LAMC3: variants seen among roughly 807,000 people sequenced by gnomAD.
LAMC3 encodes the protein laminin subunit gamma-3.
LAMC3 carries 128 observed loss-of-function variants against 173.8 expected under a neutral mutation model. The ratio of observed to expected loss-of-function variants is 0.74; its 90% CI spans 0.64 to 0.85. LAMC3 has a LOEUF of 0.85. Ranked by LOEUF, LAMC3 falls within the 40% of genes least tolerant of loss-of-function variation. The pLI, the probability that LAMC3 is intolerant of heterozygous loss-of-function variation, is 0.00. For missense variants in LAMC3, 2,022 were observed against 2,156.0 expected, an observed-to-expected ratio of 0.94 and a Z score of 1.23; for synonymous variants, 897 against 909.1, an observed-to-expected ratio of 0.99 and a Z score of 0.24.
At chr9:131,011,843 A>T (rs1039088624) in intron 1 of LAMC3, among the ~76,000 whole-genome samples, 5 of 152,116 alleles carry the variant, frequency 3.3e-5, no homozygotes, top group Admixed American at 2.6e-4. Flanking sequence ...GCCCAGGCAC[A>T]AACAAGGTGG....
At chr9:131,031,222 T>C (rs962127688) in intron 2 of LAMC3, among the ~76,000 whole-genome samples, 2 of 152,220 alleles carry the variant, frequency 1.3e-5, no homozygotes, top group African/African-American at 4.8e-5. Flanking sequence ...CTGGGCGGAA[T>C]CAAAACGCTG....
At chr9:131,041,041 T>G (rs1417271750) in intron 6 of LAMC3, among the ~76,000 whole-genome samples, 2 of 151,480 alleles carry the variant, frequency 1.3e-5, no homozygotes, top group Non-Finnish European at 2.9e-5. Flanking sequence ...GAAGGATGAA[T>G]AAGTGGATGG....
At chr9:131,011,511 C>T (rs1334081919) in intron 1 of LAMC3, among the ~76,000 whole-genome samples, 1 of 152,124 alleles carries the variant, frequency 6.6e-6, no homozygotes, top group Admixed American at 6.5e-5. Flanking sequence ...GAGTGGGGTG[C>T]GGGGAGGACC....
chr9:131,016,924 A>G (rs1289348330), intron 1 of LAMC3, among the ~76,000 whole-genome samples: 1 of 149,786 alleles, frequency 6.7e-6, no homozygotes, highest in Non-Finnish European at 1.5e-5. Flanking sequence ...TGGAGAAAAC[A>G]CATTTCTACG....
At chr9:131,032,251 T>C in intron 3 of LAMC3, 76 bp downstream of exon 3, 1 of 121,462 alleles carries the variant, frequency 8.2e-6, no homozygotes, top group Non-Finnish European at 1.7e-5. Context: ...TGCTGTGGGG[T>C]GGGGGGTGGG....
intron 8 of LAMC3, among the ~76,000 whole-genome samples, chr9:131,047,820 G>A (rs112561233): frequency 2.1e-4 from 32 of 151,240 alleles, no homozygotes; most frequent in African/African-American, 6.5e-4. Flanking sequence ...CCGAGATCGC[G>A]CCACTGCACT....
At chr9:131,070,675 C>G (rs1010374484) in intron 17 of LAMC3, among the ~76,000 whole-genome samples, 1 of 152,078 alleles carries the variant, frequency 6.6e-6, no homozygotes, top group Non-Finnish European at 1.5e-5. Flanking sequence ...CATGACTGCA[C>G]TGCACTCCAG....
intron 1 of LAMC3, among the ~76,000 whole-genome samples, chr9:131,016,647 G>A (rs1833524209): frequency 6.6e-6 from 1 of 152,184 alleles, no homozygotes; most frequent in South Asian, 2.1e-4. Flanking sequence ...CATGGTGATT[G>A]GAGCCATTCA....
chr9:131,045,539 C>T lies in LAMC3; in HGVS notation c.1398C>T (p.Thr466=), dbSNP rs374312270. The change falls in exon 8 of 28, where the codon ACC becomes ACT. Residue 466 remains threonine (T), a synonymous_variant. Transcript: ENST00000361069. ...GNLCDRCRPG[T]FNLQPHNPAG... ...TCCATTTCAGATGTCGCCCGGGGAC[C>T]TTTAACCTGCAGCCCCACAATCCAG... 136 of 1,613,742 alleles carry T rather than the reference C, an allele frequency of 8.4e-5. No individual in the cohort carries two copies. Among genetic ancestry groups the T allele is most frequent in the Non-Finnish European group, 1.1e-4 (130 of 1,180,046 alleles).
At position 131,082,857 on chromosome 9, in the gene LAMC3, G is replaced by A. The variant is rs1421711220; in HGVS notation, c.4030+696G>A. Among the ~76,000 whole-genome samples, 3 of 152,196 alleles carry A rather than the reference G, an allele frequency of 2.0e-5. No individual in the cohort carries two copies. In the South Asian group the frequency reaches 6.2e-4, roughly 32 times the overall value. On this transcript the variant is annotated intron_variant, in intron 24 of 27. Coordinates refer to ENST00000361069, the MANE Select transcript of LAMC3 (RefSeq NM_006059.4). ...TGAGGCCAGAAGTCAGGCTTCTGCT[G>A]TTGTTCTGTGGCCTCCCTCCCCAGC...
In LAMC3 at chr9:131,080,727, G is replaced by A. The variant is rs139234119; in HGVS notation, c.3928-1332G>A. ...CCTGCTGATCTGGTCCACTGCCCTC[G>A]TCCAGGGTGAGGTTGCCAGGAAGAG... On this transcript the variant is annotated intron_variant, in intron 23 of 27. Coordinates refer to ENST00000361069, the MANE Select transcript of LAMC3 (RefSeq NM_006059.4). Among the ~76,000 whole-genome samples, 14 of 152,176 alleles carry A rather than the reference G, an allele frequency of 9.2e-5. No individual in the cohort carries two copies. In the East Asian group the frequency reaches 1.2e-3, roughly 13 times the overall value.
Position 131,052,798 on chromosome 9 carries a change from G to T in LAMC3, c.1824-52G>T, listed in dbSNP as rs1310588636. ...GGGGCTACCCCCCATCCCCAGGCAT[G>T]GTACCCCCCCACCCTATGTCGGGAT... On this transcript the variant is annotated intron_variant, in intron 10 of 27. Transcript: ENST00000361069. 9 of 1,257,546 alleles carry T rather than the reference G, an allele frequency of 7.2e-6. No individual in the cohort carries two copies. The Admixed American group carries it at 1.5e-4, about 22-fold the overall frequency. 77.9% of individuals were successfully genotyped at this position (1,257,546 alleles called of 1,614,324 possible). A position where few individuals can be genotyped will look rare whatever the true frequency, so the allele number is the denominator to read the frequency against.
At chr9:131,023,899 C>A (rs772318797) in intron 1 of LAMC3, among the ~76,000 whole-genome samples, 2 of 152,010 alleles carry the variant, frequency 1.3e-5, no homozygotes, top group African/African-American at 2.4e-5. Flanking sequence ...TGTAAGAATT[C>A]TTTATATATT....
chr9:131,013,186 G>A lies in LAMC3; in HGVS notation c.373+3599G>A, dbSNP rs142303814. The stretch of plus-strand genomic sequence containing the variant: ...AGGGTGAGATCAGTTGCTTGGGGTC[G>A]CACAACTCAATAAATGGTGGCCCCC... On this transcript the variant is annotated intron_variant, in intron 1 of 27. Coordinates refer to ENST00000361069, the MANE Select transcript of LAMC3 (RefSeq NM_006059.4). Among the ~76,000 whole-genome samples the A allele has an allele frequency of 3.6e-4, 55 of 152,300 alleles. No individual in the cohort carries two copies. In the East Asian group the frequency reaches 9.3e-3, roughly 26 times the overall value.
rs1318234827 is a variant in LAMC3 at position 131,091,392 on chromosome 9, C to A, written c.4478-145C>A. 6.1e-6 allele frequency: 7 copies of A among 1,148,112 alleles called. No homozygotes were observed. The East Asian group carries it at 1.8e-4, about 30-fold the overall frequency. 71.1% of individuals were successfully genotyped at this position (1,148,112 alleles called of 1,614,324 possible). ...ATGGGTCCTCACCCACCTCCCAGCC[C>A]TTCTGCTCCCCATCTTTCCCTGGTG... is the stretch of plus-strand genomic sequence containing the variant. On this transcript the variant is annotated intron_variant, in intron 27 of 27. Coordinates refer to ENST00000361069, the MANE Select transcript of LAMC3 (RefSeq NM_006059.4).
chr9:131,036,374 G>T (rs1399130988), intron 4 of LAMC3, 42 bp downstream of exon 4: 1 of 1,610,152 alleles, frequency 6.2e-7, no homozygotes, highest in East Asian at 2.2e-5. Flanking sequence ...ACCCGAGGCT[G>T]GTGTTGCAGG....
chr9:131,050,382 T>C (rs1834259387), intron 9 of LAMC3, among the ~76,000 whole-genome samples: 1 of 152,166 alleles, frequency 6.6e-6, no homozygotes, highest in African/African-American at 2.4e-5. Flanking sequence ...TCAGAGGGAA[T>C]GAACACATCG....
intron 27 of LAMC3, among the ~76,000 whole-genome samples, chr9:131,090,442 G>A (rs955740315): frequency 5.3e-5 from 8 of 152,194 alleles, no homozygotes; most frequent in Admixed American, 6.5e-5. Context: ...ATTTTGCTGT[G>A]GGCCATGGGG....
rs1007667914 is a variant in LAMC3 at position 131,056,804 on chromosome 9, C to A, written c.1940-125C>A. 2.8e-5 allele frequency: 22 copies of A among 781,158 alleles called. No homozygotes were observed. In the African/African-American group the frequency reaches 3.6e-4, roughly 13 times the overall value. The allele number at this position is 781,158 out of a possible 1,614,324, so 48.4% of individuals were successfully genotyped here. On this transcript the variant is annotated intron_variant, in intron 11 of 27. Coordinates refer to ENST00000361069, the MANE Select transcript of LAMC3 (RefSeq NM_006059.4). Reference sequence around the variant, plus strand: ...GAATCTGTCTCAAAAAAAGAAAAATCATTGATTGCTAGTCTGCCTTTATAT... The same window carrying A: ...GAATCTGTCTCAAAAAAAGAAAAATAATTGATTGCTAGTCTGCCTTTATAT...
Sources: allele counts gnomAD v4.1 joint callset (sites outside exome capture counted in the v4.1 genomes callset), GRCh38; gene constraint gnomAD v4.1.1; transcripts MANE v1.5; gene names NCBI Gene and HGNC (gene_info 2026-07-23, HGNC 2026-07-21).